Variants in UNC79 observed in about 807,000 individuals in gnomAD.
UNC79 encodes the protein protein unc-79 homolog.
UNC79 carries 37 observed loss-of-function variants against 283.1 expected under a neutral mutation model. The ratio of observed to expected loss-of-function variants is 0.13; its 90% CI spans 0.10 to 0.17. The LOEUF (loss-of-function observed/expected upper bound fraction) is 0.17. Ranked by LOEUF, UNC79 falls within the 10% of genes least tolerant of loss-of-function variation. The probability of loss-of-function intolerance (pLI) is 1.00; values close to 1 mark genes in which losing one functional copy is unlikely to be tolerated. For synonymous variants in UNC79, 1,107 were observed against 1,200.2 expected, an observed-to-expected ratio of 0.92 and a Z score of 1.61; for missense variants, 2,272 against 3,211.1, an observed-to-expected ratio of 0.71 and a Z score of 7.07.
chr14:93,415,754 T>C (rs1263233261), intron 1 of UNC79, among the ~76,000 whole-genome samples: 1 of 151,422 alleles, frequency 6.6e-6, no homozygotes, highest in Non-Finnish European at 1.5e-5. Flanking sequence ...CTTGGGAGGG[T>C]GTATGTGTCG....
Position 93,621,731 on chromosome 14 carries a change from A to C in UNC79, c.4498A>C (p.Lys1500Gln). The change falls in exon 30 of 49, where the codon AAA becomes CAA. Residue 1500 changes from lysine to glutamine, a missense_variant. Physicochemically the swap from Lys to Gln is moderately conservative, Grantham distance 53 (BLOSUM62 1). This residue lies in a region of UNC79 where 580 missense variants were observed against 632.2 expected (regional missense o/e 0.92). Coordinates refer to ENST00000555664, the Ensembl canonical transcript of UNC79. This position sits in a 1 kb window ranked among gnomAD's most constrained non-coding sequence, Gnocchi z 4.8. ...AAAAAAGCTACGCTCTTTCAAACAA[A>C]AATCTCTTGATATAGGGAATGCAGA... The C allele has an allele frequency of 6.2e-7, 1 of 1,614,130 alleles. No homozygotes were observed. Among genetic ancestry groups the C allele is most frequent in the South Asian group, 1.1e-5 (1 of 91,064 alleles).
chr14:93,412,820 T>G (rs1025251841), intron 1 of UNC79, among the ~76,000 whole-genome samples: 3 of 151,898 alleles, frequency 2.0e-5, no homozygotes, highest in African/African-American at 7.3e-5. Context: ...GAAGGAGAAA[T>G]ACCTTCCCAG....
At chr14:93,665,488 A>C (rs923919509) in intron 40 of UNC79, among the ~76,000 whole-genome samples, 1 of 151,992 alleles carries the variant, frequency 6.6e-6, no homozygotes, top group African/African-American at 2.4e-5. Flanking sequence ...TATCAATTCT[A>C]GAGTTGATGG....
chr14:93,385,760 T>TG (rs1168253329), intron 1 of UNC79, among the ~76,000 whole-genome samples: 5 of 148,818 alleles, frequency 3.4e-5, no homozygotes, highest in Non-Finnish European at 7.4e-5. Context: ...GCCTGGGTGA[T>TG]GGAGCAAGAC....
chr14:93,606,583 T>C (rs1454040469), intron 26 of UNC79, among the ~76,000 whole-genome samples: 3 of 152,226 alleles, frequency 2.0e-5, no homozygotes, highest in Non-Finnish European at 4.4e-5. Flanking sequence ...ACATACTTTT[T>C]TTGGTCCAAG....
At chr14:93,416,545 T>C (rs975617340) in intron 1 of UNC79, among the ~76,000 whole-genome samples, 1 of 152,224 alleles carries the variant, frequency 6.6e-6, no homozygotes, top group African/African-American at 2.4e-5. Context: ...GTCTGCTTGG[T>C]GCAGAGCTGA....
chr14:93,495,391 G>A (rs1055367772), intron 5 of UNC79, among the ~76,000 whole-genome samples: 2 of 152,092 alleles, frequency 1.3e-5, no homozygotes, highest in African/African-American at 2.4e-5. Flanking sequence ...TCACTATCAC[G>A]GGAACAGCAT....
At chr14:93,592,111 A>G (rs2064726538) in intron 22 of UNC79, among the ~76,000 whole-genome samples, 1 of 151,436 alleles carries the variant, frequency 6.6e-6, no homozygotes, top group East Asian at 1.9e-4. Flanking sequence ...AATTTATGGT[A>G]GTAAATGTTA....
intron 40 of UNC79, among the ~76,000 whole-genome samples, chr14:93,668,497 G>A (rs1381966852): frequency 6.6e-6 from 1 of 151,972 alleles, no homozygotes; most frequent in Non-Finnish European, 1.5e-5. Context: ...GATCGCTTGA[G>A]CCCAGGAGCC....
chr14:93,347,230 T>G, intron 1 of UNC79: 3 of 1,565,442 alleles, frequency 1.9e-6, no homozygotes, highest in Non-Finnish European at 1.7e-6. Flanking sequence ...TCACCTCACC[T>G]GTGCTGTCCA....
chr14:93,383,623 T>C (rs968624606), intron 1 of UNC79, among the ~76,000 whole-genome samples: 4 of 152,196 alleles, frequency 2.6e-5, no homozygotes, highest in African/African-American at 9.6e-5. Flanking sequence ...TCTGCTGGTG[T>C]TGCCTTGATG....
intron 11 of UNC79, among the ~76,000 whole-genome samples, chr14:93,534,387 C>T (rs866872621): frequency 6.6e-6 from 1 of 152,130 alleles, no homozygotes; most frequent in African/African-American, 2.4e-5. Flanking sequence ...TTTAGAACTG[C>T]GTCTCTTTAG....
intron 1 of UNC79, among the ~76,000 whole-genome samples, chr14:93,393,562 G>A (rs1399595818): frequency 6.6e-6 from 1 of 152,138 alleles, no homozygotes; most frequent in African/African-American, 2.4e-5. Context: ...AAGTATTCTT[G>A]CCATTTTTCT....
intron 13 of UNC79, 149 bp from the exon 14 acceptor site, chr14:93,542,317 G>C: frequency 1.3e-6 from 1 of 756,348 alleles, no homozygotes; most frequent in South Asian, 1.9e-5. Flanking sequence ...ACAGTTTCTG[G>C]ATAAGCGATC....
chr14:93,357,414 C>T (rs2054107227), intron 1 of UNC79, among the ~76,000 whole-genome samples: 1 of 151,902 alleles, frequency 6.6e-6, no homozygotes, highest in Non-Finnish European at 1.5e-5. Flanking sequence ...GAAAGGCAAA[C>T]CCACCCTCGA....
intron 27 of UNC79, among the ~76,000 whole-genome samples, chr14:93,615,180 C>G (rs891185317): frequency 1.3e-5 from 2 of 152,172 alleles, no homozygotes; most frequent in African/African-American, 4.8e-5. Flanking sequence ...GCACCTTGAT[C>G]AATGCCTGTC....
chr14:93,662,877 A>AACACAC (rs35000706), intron 40 of UNC79, among the ~76,000 whole-genome samples, 163 bp downstream of exon 43: 80 of 148,594 alleles, frequency 5.4e-4, no homozygotes, highest in African/African-American at 1.8e-3. Context: ...AAACACTTTA[A>AACACAC]ACACACACAC....
rs79257681 is a variant in UNC79 at position 93,630,403 on chromosome 14, T to C, written c.5609-398T>C. 5.3e-3 allele frequency among the ~76,000 whole-genome samples: 802 copies of C among 152,356 alleles called. 6 individuals carry two copies. The highest frequency in any genetic ancestry group is 0.017 in the African/African-American group (718 of 41,572). ...TCTATATAAATTGAGACGCAAATGA[T>C]AAGTAGGAAATTGTCAGACAAAGGT... On this transcript the variant is annotated intron_variant, in intron 30 of 48. Transcript: ENST00000555664.
intron 1 of UNC79, among the ~76,000 whole-genome samples, chr14:93,337,259 C>T (rs1028481149): frequency 2.2e-4 from 33 of 152,230 alleles, no homozygotes; most frequent in Admixed American, 2.0e-4. Context: ...ATAGAGTCTA[C>T]GCACTTTGGG....
Sources: gnomAD v4.1 joint callset for allele counts (sites outside exome capture counted in the v4.1 genomes callset) on GRCh38, gnomAD v4.1.1 for gene constraint, gnomAD v4.1.1 regional missense constraint, Gnocchi (gnomAD v3.1) non-coding constraint, MANE v1.5 for transcripts, NCBI Gene and HGNC (gene_info 2026-07-23, HGNC 2026-07-21) for gene names.